The following NEK7 variants were observed in gnomAD, a reference collection of about 807,000 sequenced individuals.
NEK7 encodes NIMA related kinase 7.
In NEK7, 18 loss-of-function variants were observed where a neutral mutation model predicts 44.6. The ratio of observed to expected loss-of-function variants is 0.40; its 90% CI spans 0.28 to 0.60. The LOEUF (loss-of-function observed/expected upper bound fraction) is 0.60. NEK7 is among the 20% of genes least tolerant of loss of function. The pLI is 0.38. For synonymous variants in NEK7, 130 were observed against 121.1 expected, an observed-to-expected ratio of 1.07 and a Z score of -0.48; for missense variants, 256 against 366.5, an observed-to-expected ratio of 0.70 and a Z score of 2.46.
Position 198,320,348 on chromosome 1 carries a change from G to T in NEK7, c.*826G>T, listed in dbSNP as rs1364040112. 6.6e-6 allele frequency: 1 copy of T among 151,982 alleles called. No individual in the cohort carries two copies. The highest frequency in any genetic ancestry group is 2.4e-5 in the African/African-American group (1 of 41,406). 9.4% of individuals were successfully genotyped at this position (151,982 alleles called of 1,614,324 possible). The stretch of plus-strand genomic sequence containing the variant: ...TGAAAAATATTCTTTGAATAACCTT[G>T]CAGTACTATATTTCAATTTCTTTAT... On this transcript the variant is annotated 3_prime_UTR_variant, in exon 10 of 10. Coordinates refer to ENST00000367385, the MANE Select transcript of NEK7 (RefSeq NM_133494.3).
At chr1:198,158,451 C>G (rs957001249) in intron 1 of NEK7, among the ~76,000 whole-genome samples, 3 of 152,196 alleles carry the variant, frequency 2.0e-5, no homozygotes, top group African/African-American at 7.2e-5. Flanking sequence ...TCCCTCCAGG[C>G]GACAGCAGTA....
chr1:198,160,672 C>A (rs1251615061), intron 1 of NEK7, among the ~76,000 whole-genome samples: 1 of 152,066 alleles, frequency 6.6e-6, no homozygotes, highest in Non-Finnish European at 1.5e-5. Context: ...GAGACTTTTT[C>A]AATTTAATTC....
intron 1 of NEK7, among the ~76,000 whole-genome samples, chr1:198,176,797 G>A (rs184910078): frequency 6.6e-6 from 1 of 152,138 alleles, no homozygotes; most frequent in African/African-American, 2.4e-5. Context: ...GGACCGTAGG[G>A]GATGACGGAT....
chr1:198,237,430 G>C (rs1666569266), intron 2 of NEK7, among the ~76,000 whole-genome samples: 1 of 152,022 alleles, frequency 6.6e-6, no homozygotes, highest in South Asian at 2.1e-4. Context: ...CCTCCAGACT[G>C]ACAGCCCACC....
chr1:198,252,518 A>G (rs906393889), intron 2 of NEK7, among the ~76,000 whole-genome samples: 45 of 93,102 alleles, frequency 4.8e-4, no homozygotes, highest in Non-Finnish European at 7.4e-4. Flanking sequence ...AGGCTTTCCT[A>G]TCTCACATAC....
At chr1:198,252,804 C>T (rs186028409) in intron 2 of NEK7, among the ~76,000 whole-genome samples, 1 of 150,672 alleles carries the variant, frequency 6.6e-6, no homozygotes, top group Admixed American at 6.6e-5. Context: ...TTGTTTATTC[C>T]CCTCACTAGA....
At chr1:198,197,671 T>G in intron 1 of NEK7, 1 of 398,050 alleles carries the variant, frequency 2.5e-6, no homozygotes, top group Non-Finnish European at 4.7e-6. Flanking sequence ...CAGGTGGGGG[T>G]AGGGGTGGGG....
intron 1 of NEK7, among the ~76,000 whole-genome samples, chr1:198,223,629 CATAG>C (rs1339319894): frequency 6.6e-6 from 1 of 152,154 alleles, no homozygotes; most frequent in Non-Finnish European, 1.5e-5. Context: ...ACAGGCATTT[CATAG>C]ATATTTTTAG....
At chr1:198,230,762 G>A (rs192674074) in intron 1 of NEK7, among the ~76,000 whole-genome samples, 11 of 151,890 alleles carry the variant, frequency 7.2e-5, no homozygotes, top group African/African-American at 2.2e-4. Context: ...TACAAAAAAC[G>A]TTTTATTCCT....
At position 198,252,211 on chromosome 1, in the gene NEK7, C is replaced by G. The variant is rs1334047914; in HGVS notation, c.58-829C>G. Among the ~76,000 whole-genome samples the G allele has an allele frequency of 2.0e-5, 3 of 151,862 alleles. No individual in the cohort carries two copies. In the South Asian group the frequency reaches 6.2e-4, roughly 32 times the overall value. On this transcript the variant is annotated intron_variant, in intron 2 of 9. Coordinates refer to ENST00000367385, the MANE Select transcript of NEK7 (RefSeq NM_133494.3). ...TGAGTGAGTTTCTTAATCCTGAGTT[C>G]TAGTTTGATTGCCCTGTGGTCTGAG...
intron 1 of NEK7, among the ~76,000 whole-genome samples, chr1:198,160,298 GT>G (rs1178297071): frequency 1.3e-5 from 2 of 151,078 alleles, no homozygotes; most frequent in African/African-American, 4.9e-5. Flanking sequence ...TTTCTTTCAG[GT>G]TTTGTTTCCC....
At chr1:198,195,148 T>C (rs528519175) in intron 1 of NEK7, among the ~76,000 whole-genome samples, 1 of 152,290 alleles carries the variant, frequency 6.6e-6, no homozygotes, top group Admixed American at 6.5e-5. Flanking sequence ...TTTTCTGGCT[T>C]GTCACCATCT....
chr1:198,275,892 C>A (rs1401507308), intron 5 of NEK7, among the ~76,000 whole-genome samples: 1 of 151,140 alleles, frequency 6.6e-6, no homozygotes, highest in African/African-American at 2.4e-5. Context: ...GGTTTAAAAA[C>A]CACATATGTT....
intron 7 of NEK7, among the ~76,000 whole-genome samples, chr1:198,289,701 A>T (rs1170061834): frequency 2.0e-5 from 3 of 152,150 alleles, no homozygotes; most frequent in African/African-American, 7.2e-5. Context: ...CTAAATTGTT[A>T]GCTAAACTAT....
intron 1 of NEK7, among the ~76,000 whole-genome samples, chr1:198,232,023 C>G (rs1666411950): frequency 6.6e-6 from 1 of 152,046 alleles, no homozygotes; most frequent in Non-Finnish European, 1.5e-5. Context: ...CCTATGTATA[C>G]TGAATTAATG....
chr1:198,186,739 G>T (rs1189907322), intron 1 of NEK7, among the ~76,000 whole-genome samples: 1 of 152,106 alleles, frequency 6.6e-6, no homozygotes, highest in Non-Finnish European at 1.5e-5. Context: ...AATTCATCCA[G>T]TTTATCTCAT....
intron 8 of NEK7, among the ~76,000 whole-genome samples, chr1:198,294,737 A>G (rs1168015337): frequency 6.6e-6 from 1 of 152,178 alleles, no homozygotes; most frequent in Non-Finnish European, 1.5e-5. Flanking sequence ...GGACATTTCT[A>G]CATCCATGAG....
At position 198,221,680 on chromosome 1, in the gene NEK7, A is replaced by T. The variant is rs558015606; in HGVS notation, c.-28-10873A>T. Among the ~76,000 whole-genome samples the T allele has an allele frequency of 4.4e-4, 67 of 152,068 alleles. 1 individual carries two copies. The highest frequency in any genetic ancestry group is 4.3e-3 in the Admixed American group (65 of 15,278). ...TTAAATGCACTGAAGATGTCTACAG[A>T]TGTAGATTAAAGCTTCTTATTTTGA... On this transcript the variant is annotated intron_variant, in intron 1 of 9. Coordinates refer to ENST00000367385, the MANE Select transcript of NEK7 (RefSeq NM_133494.3).
intron 9 of NEK7, among the ~76,000 whole-genome samples, chr1:198,301,743 G>A (rs1430949078): frequency 6.6e-6 from 1 of 152,166 alleles, no homozygotes; most frequent in African/African-American, 2.4e-5. Context: ...TAAAAACAAT[G>A]CTTTGAGTGA....
Sources: allele counts gnomAD v4.1 joint callset (sites outside exome capture counted in the v4.1 genomes callset), GRCh38; gene constraint gnomAD v4.1.1; transcripts MANE v1.5; gene names NCBI Gene and HGNC (gene_info 2026-07-23, HGNC 2026-07-21).